The following IL1RAPL1 variants were observed in gnomAD, a reference collection of about 807,000 sequenced individuals.
The protein encoded by IL1RAPL1 is interleukin-1 receptor accessory protein-like 1.
Under a neutral mutation model 48.4 loss-of-function variants are expected in IL1RAPL1, and 3 were observed. The observed-to-expected ratio is 0.06, with a 90% CI of 0.03 to 0.16. The LOEUF (loss-of-function observed/expected upper bound fraction) is 0.16. Among genes scored for constraint, IL1RAPL1 ranks in the 10% least tolerant of loss-of-function variants. IL1RAPL1 has a pLI of 1.00. For synonymous variants in IL1RAPL1, 185 were observed against 187.7 expected (o/e 0.99, Z 0.12); for missense variants, 349 against 530.6 (o/e 0.66, Z 3.36).
At chrX:28,855,683 A>G (rs751572734) in intron 2 of IL1RAPL1, among the ~76,000 whole-genome samples, 1 of 111,215 alleles carries the variant, frequency 9.0e-6, no homozygotes, top group Non-Finnish European at 1.9e-5. Flanking sequence ...CAGTTTCTTT[A>G]CAGTTCATTA....
intron 6 of IL1RAPL1, among the ~76,000 whole-genome samples, chrX:29,779,450 G>A (rs1023332049): frequency 6.3e-5 from 7 of 110,975 alleles, no homozygotes; most frequent in African/African-American, 2.0e-4. Flanking sequence ...TATTTGAGAG[G>A]GGAGGGAGGG....
At chrX:29,665,284 T>C (rs1925968691) in intron 5 of IL1RAPL1, among the ~76,000 whole-genome samples, 1 of 112,696 alleles carries the variant, frequency 8.9e-6, no homozygotes, top group African/African-American at 3.2e-5. Context: ...TAACACAAGT[T>C]GTTTTCTTAA....
At chrX:29,613,496 C>G (rs973832066) in intron 5 of IL1RAPL1, among the ~76,000 whole-genome samples, 1 of 110,916 alleles carries the variant, frequency 9.0e-6, no homozygotes, top group Non-Finnish European at 1.9e-5. Flanking sequence ...AATAACAATT[C>G]GATCCCTCCT....
At chrX:28,635,796 C>CGTGT (rs890910027) in intron 1 of IL1RAPL1, among the ~76,000 whole-genome samples, 3 of 110,353 alleles carry the variant, frequency 2.7e-5, no homozygotes, top group Non-Finnish European at 3.8e-5. Flanking sequence ...TTTATCATGG[C>CGTGT]GTGTGTGTGT....
intron 6 of IL1RAPL1, among the ~76,000 whole-genome samples, chrX:29,878,799 T>G (rs1383351322): frequency 1.8e-5 from 2 of 111,985 alleles, no homozygotes; most frequent in Non-Finnish European, 3.8e-5. Flanking sequence ...TTTGTCCTTT[T>G]TGGTATTTTT....
At chrX:29,347,586 C>T (rs1256806467) in intron 3 of IL1RAPL1, among the ~76,000 whole-genome samples, 1 of 109,461 alleles carries the variant, frequency 9.1e-6, no homozygotes, top group African/African-American at 3.3e-5. Context: ...TACGGGGTTT[C>T]CCTGTGTTGT....
chrX:29,626,260 A>G (rs181369859), intron 5 of IL1RAPL1, among the ~76,000 whole-genome samples: 382 of 112,152 alleles, frequency 3.4e-3, no homozygotes, highest in African/African-American at 0.012. Flanking sequence ...ATTAGCCCCA[A>G]ATAAGAGATG....
At chrX:29,474,498 A>G (rs1934953332) in intron 5 of IL1RAPL1, among the ~76,000 whole-genome samples, 1 of 111,877 alleles carries the variant, frequency 8.9e-6, no homozygotes, top group East Asian at 2.8e-4. Flanking sequence ...ATAAAGAAAT[A>G]CCTGAGGCTG....
intron 6 of IL1RAPL1, among the ~76,000 whole-genome samples, chrX:29,706,794 A>G (rs1303578783): frequency 8.9e-6 from 1 of 111,806 alleles, no homozygotes; most frequent in Non-Finnish European, 1.9e-5. Flanking sequence ...ACAAAAATCA[A>G]CTCAAGATGG....
intron 3 of IL1RAPL1, among the ~76,000 whole-genome samples, chrX:29,289,006 GTTGT>G (rs1370059208): frequency 1.8e-5 from 2 of 111,957 alleles, no homozygotes; most frequent in African/African-American, 3.2e-5. Flanking sequence ...TTTTAATGGA[GTTGT>G]TTGTTTTTTT....
At chrX:28,658,917 T>G (rs920419385) in intron 1 of IL1RAPL1, 9 of 384,341 alleles carry the variant, frequency 2.3e-5, no homozygotes, top group African/African-American at 2.0e-4. Context: ...ACCTAATTAC[T>G]GTCCCCTATT....
chrX:29,292,134 C>T (rs147501272), intron 3 of IL1RAPL1, among the ~76,000 whole-genome samples: 26 of 111,997 alleles, frequency 2.3e-4, no homozygotes, highest in African/African-American at 8.4e-4. Context: ...ATTTATTGAA[C>T]AAAATAATGA....
At position 28,746,766 on chromosome X, in the gene IL1RAPL1, CTTAA is replaced by C. The variant is rs763029392; in HGVS notation, c.-24-42548_-24-42545del. 7.7e-4 allele frequency among the ~76,000 whole-genome samples: 86 copies of C among 111,418 alleles called. No homozygotes were observed. In the Middle Eastern group the frequency reaches 0.014, roughly 19 times the overall value. On this transcript the variant is annotated intron_variant, in intron 1 of 10. Transcript: ENST00000378993. ...ACATTTATTCACAATGATGAATCAC[CTTAA>C]TTAATATGGTGAGGGCAAAATAATT...
At chrX:29,520,967 A>T (rs992238725) in intron 5 of IL1RAPL1, among the ~76,000 whole-genome samples, 2 of 111,239 alleles carry the variant, frequency 1.8e-5, no homozygotes, top group Admixed American at 1.9e-4. Context: ...CTTTGAACAC[A>T]GCTTTGTGTT....
chrX:29,054,455 G>A (rs1405525732), intron 2 of IL1RAPL1, among the ~76,000 whole-genome samples: 2 of 111,187 alleles, frequency 1.8e-5, no homozygotes, highest in African/African-American at 3.3e-5. Flanking sequence ...ACCACCACCT[G>A]TTAAAAGATA....
At chrX:29,193,629 C>T (rs915409767) in intron 2 of IL1RAPL1, among the ~76,000 whole-genome samples, 4 of 110,013 alleles carry the variant, frequency 3.6e-5, no homozygotes, top group Admixed American at 9.8e-5. Flanking sequence ...AGGTTGGAGG[C>T]GGGTGTCATG....
chrX:29,780,288 A>T (rs1929307978), intron 6 of IL1RAPL1, among the ~76,000 whole-genome samples: 1 of 112,413 alleles, frequency 8.9e-6, no homozygotes, highest in African/African-American at 3.2e-5. Flanking sequence ...AATTGAAATT[A>T]TCTAATCTGC....
At chrX:29,289,699 G>A (rs1407246561) in intron 3 of IL1RAPL1, among the ~76,000 whole-genome samples, 2 of 112,037 alleles carry the variant, frequency 1.8e-5, no homozygotes, top group Non-Finnish European at 3.8e-5. Flanking sequence ...CTCACTATCT[G>A]TGAGTACAGT....
At chrX:28,706,562 G>A (rs192844272) in intron 1 of IL1RAPL1, among the ~76,000 whole-genome samples, 74 of 110,747 alleles carry the variant, frequency 6.7e-4, no homozygotes, top group African/African-American at 2.4e-3. Flanking sequence ...ACAGGCACAC[G>A]CCACCATGCC....
Sources: gnomAD v4.1 joint callset for allele counts (sites outside exome capture counted in the v4.1 genomes callset) on GRCh38, gnomAD v4.1.1 for gene constraint, MANE v1.5 for transcripts, NCBI Gene and HGNC (gene_info 2026-07-23, HGNC 2026-07-21) for gene names.